The following GRID2 variants were observed in gnomAD, a reference collection of about 807,000 sequenced individuals.
GRID2 encodes the protein glutamate ionotropic receptor delta type subunit 2.
In GRID2, 33 loss-of-function variants were observed where a neutral mutation model predicts 114.8. The ratio of observed to expected loss-of-function variants is 0.29; its 90% confidence interval spans 0.22 to 0.38. The LOEUF (loss-of-function observed/expected upper bound fraction) is 0.38, where lower values mean the gene tolerates loss of function less well. Ranked by LOEUF, GRID2 falls within the 10% of genes least tolerant of loss-of-function variation. GRID2 has a pLI of 1.00. For synonymous variants in GRID2, 505 were observed against 449.9 expected (o/e 1.12, Z -1.55); for missense variants, 1,184 against 1,257.7 (o/e 0.94, Z 0.89).
intron 13 of GRID2, among the ~76,000 whole-genome samples, chr4:93,587,206 A>G (rs1389348875): frequency 1.3e-5 from 2 of 152,132 alleles, no homozygotes; most frequent in Middle Eastern, 3.2e-3. Flanking sequence ...ATATAACTAT[A>G]TTTAAAATTG....
At chr4:92,504,665 T>C (rs1012064230) in intron 1 of GRID2, among the ~76,000 whole-genome samples, 16 of 151,996 alleles carry the variant, frequency 1.1e-4, no homozygotes, top group African/African-American at 3.9e-4. Flanking sequence ...CTGATATGCT[T>C]AGGGATAGAT....
rs535730987 is a variant in GRID2 at position 93,622,517 on chromosome 4, A to C, written c.2194-3752A>C. ...TACATTTCTAACACAAAAATCCCCT[A>C]GTAATTCTAATGGTGGTAGTCTTCG... On this transcript the variant is annotated intron_variant, in intron 13 of 15. Coordinates refer to ENST00000282020, the MANE Select transcript of GRID2 (RefSeq NM_001510.4). 3.9e-5 allele frequency among the ~76,000 whole-genome samples: 6 copies of C among 152,352 alleles called. No individual in the cohort carries two copies. In the South Asian group the frequency reaches 1.0e-3, roughly 26 times the overall value.
intron 14 of GRID2, among the ~76,000 whole-genome samples, chr4:93,749,642 T>G (rs1732140647): frequency 6.6e-6 from 1 of 152,196 alleles, no homozygotes; most frequent in Non-Finnish European, 1.5e-5. Flanking sequence ...ACTCTCTACA[T>G]GTTATAAACA....
At chr4:92,870,171 A>G (rs934556888) in intron 2 of GRID2, among the ~76,000 whole-genome samples, 2 of 152,026 alleles carry the variant, frequency 1.3e-5, no homozygotes, top group African/African-American at 4.8e-5. Flanking sequence ...ACTCTACTCC[A>G]GCATGGGTGA....
At chr4:92,491,708 T>C (rs1723156183) in intron 1 of GRID2, among the ~76,000 whole-genome samples, 1 of 152,062 alleles carries the variant, frequency 6.6e-6, no homozygotes, top group Non-Finnish European at 1.5e-5. Flanking sequence ...TGTGTGTACA[T>C]GATGTCAACA....
intron 2 of GRID2, among the ~76,000 whole-genome samples, chr4:92,926,260 A>ATATT (rs1749801318): frequency 6.6e-6 from 1 of 151,970 alleles, no homozygotes; most frequent in Non-Finnish European, 1.5e-5. Flanking sequence ...TTGTTAATGA[A>ATATT]TATTTTGAAG....
At chr4:93,570,727 T>C (rs1735857603) in intron 13 of GRID2, among the ~76,000 whole-genome samples, 1 of 152,138 alleles carries the variant, frequency 6.6e-6, no homozygotes, top group African/African-American at 2.4e-5. Flanking sequence ...ATAAAGTATA[T>C]GTTGAAAAAA....
intron 1 of GRID2, among the ~76,000 whole-genome samples, chr4:92,528,395 T>A (rs1430245636): frequency 6.6e-6 from 1 of 151,636 alleles, no homozygotes; most frequent in Non-Finnish European, 1.5e-5. Flanking sequence ...TGAAGATTGA[T>A]CCTTGTATTC....
rs891623758 is a variant in GRID2 at position 93,774,396 on chromosome 4, A to T, written c.*1898A>T. 3.3e-5 allele frequency: 5 copies of T among 152,152 alleles called. No homozygotes were observed. The highest frequency in any genetic ancestry group is 1.2e-4 in the African/African-American group (5 of 41,448). 9.4% of individuals were successfully genotyped at this position (152,152 alleles called of 1,614,324 possible). On this transcript the variant is annotated 3_prime_UTR_variant, in exon 16 of 16. Coordinates refer to ENST00000282020, the MANE Select transcript of GRID2 (RefSeq NM_001510.4). ...AGATGTTGCAGTGATTTTAGCTATCAACAAACTGTTAACCATGTACAATAT... is the reference window on the plus strand; with the variant it reads ...AGATGTTGCAGTGATTTTAGCTATCTACAAACTGTTAACCATGTACAATAT...
chr4:92,452,336 T>A (rs1579389685), intron 1 of GRID2, among the ~76,000 whole-genome samples: 1 of 151,674 alleles, frequency 6.6e-6, no homozygotes, highest in East Asian at 1.9e-4. Context: ...TTTTTTTTTT[T>A]AGACAGAGTC....
At chr4:92,846,578 C>G (rs1743342098) in intron 2 of GRID2, among the ~76,000 whole-genome samples, 2 of 152,032 alleles carry the variant, frequency 1.3e-5, no homozygotes, top group Non-Finnish European at 2.9e-5. Flanking sequence ...AGGTCTTCCC[C>G]TTTGGTTTAG....
intron 2 of GRID2, among the ~76,000 whole-genome samples, chr4:92,858,052 A>T (rs956237829): frequency 1.3e-5 from 2 of 152,212 alleles, no homozygotes; most frequent in African/African-American, 4.8e-5. Context: ...CCACTTTTGG[A>T]GACATAGTGT....
At chr4:92,322,969 A>AT (rs571476099) in intron 1 of GRID2, among the ~76,000 whole-genome samples, 1 of 151,802 alleles carries the variant, frequency 6.6e-6, no homozygotes, top group Admixed American at 6.6e-5. Context: ...CTTTATTATT[A>AT]TTTTTTTGTC....
At chr4:93,077,613 C>T (rs1729450091) in intron 2 of GRID2, among the ~76,000 whole-genome samples, 1 of 152,004 alleles carries the variant, frequency 6.6e-6, no homozygotes. Context: ...ATGTTTAATC[C>T]TCACTCTTTG....
At chr4:93,469,799 A>G (rs968072042) in intron 11 of GRID2, among the ~76,000 whole-genome samples, 2 of 152,116 alleles carry the variant, frequency 1.3e-5, no homozygotes, top group Non-Finnish European at 2.9e-5. Context: ...TCTCTAAGCT[A>G]TCGGAAAACA....
chr4:92,585,408 A>G (rs1487328149), intron 1 of GRID2, among the ~76,000 whole-genome samples: 3 of 150,408 alleles, frequency 2.0e-5, no homozygotes, highest in Admixed American at 6.6e-5. Context: ...CTTTCTGACT[A>G]AAAAATAAAG....
At chr4:92,658,501 C>A (rs1732355922) in intron 2 of GRID2, among the ~76,000 whole-genome samples, 1 of 151,698 alleles carries the variant, frequency 6.6e-6, no homozygotes, top group Admixed American at 6.6e-5. Context: ...GCCCAGACAG[C>A]ATTTGTGTTT....
intron 2 of GRID2, among the ~76,000 whole-genome samples, chr4:92,979,973 T>C (rs1754091412): frequency 6.6e-6 from 1 of 152,180 alleles, no homozygotes; most frequent in African/African-American, 2.4e-5. Flanking sequence ...ATCACTACAG[T>C]GTAATTTAAA....
intron 2 of GRID2, among the ~76,000 whole-genome samples, chr4:92,909,510 A>G (rs190307495): frequency 1.2e-3 from 183 of 152,204 alleles, no homozygotes; most frequent in Admixed American, 0.012. Flanking sequence ...TTAATTTTAA[A>G]CCACTCCCAT....
Sources: gnomAD v4.1 joint callset for allele counts (sites outside exome capture counted in the v4.1 genomes callset) on GRCh38, gnomAD v4.1.1 for gene constraint, MANE v1.5 for transcripts, NCBI Gene and HGNC (gene_info 2026-07-23, HGNC 2026-07-21) for gene names.